PACC1: variants seen among roughly 807,000 people sequenced by gnomAD.
PACC1 encodes the protein proton-activated chloride channel.
Under a neutral mutation model 39.7 loss-of-function variants are expected in PACC1, and 34 were observed. The ratio of observed to expected loss-of-function variants is 0.86; its 90% confidence interval spans 0.65 to 1.14. The LOEUF (loss-of-function observed/expected upper bound fraction) is 1.14. Among genes scored for constraint, PACC1 ranks in the 50% most tolerant of loss-of-function variants. The probability of loss-of-function intolerance (pLI) is 0.00; values close to 1 mark genes in which losing one functional copy is unlikely to be tolerated. For missense variants in PACC1, 379 were observed against 436.4 expected (o/e 0.87, Z 1.17); for synonymous variants, 127 against 160.6 (o/e 0.79, Z 1.58).
intron 7 of PACC1, among the ~76,000 whole-genome samples, chr1:212,368,086 G>C (rs922544794): frequency 6.6e-6 from 1 of 152,146 alleles, no homozygotes; most frequent in Non-Finnish European, 1.5e-5. Context: ...AACCCCCAGG[G>C]CATTCTCTCT....
chr1:212,380,561 C>T (rs1428197450), intron 4 of PACC1, among the ~76,000 whole-genome samples: 1 of 152,046 alleles, frequency 6.6e-6, no homozygotes, highest in Non-Finnish European at 1.5e-5. Context: ...TGGCTTTAAG[C>T]TCTGTATATA....
At position 212,365,301 on chromosome 1, in the gene PACC1, ACT is replaced by A. The variant is rs1558160147; in HGVS notation, c.965_966del (p.Glu322ValfsTer13). The A allele has an allele frequency of 6.2e-7, 1 of 1,613,270 alleles. No individual in the cohort carries two copies. Among genetic ancestry groups the A allele is most frequent in the Non-Finnish European group, 8.5e-7 (1 of 1,179,842 alleles). ...ATCCATTTTATACTCAGTTTGGCAA[ACT>A]CTGCTGCTTTAAATAATGCCAAGAA... ...GAFLALFKAA[E>X]FAKLSIKWMI... On this transcript the variant is annotated frameshift_variant, in exon 8 of 8. Coordinates refer to ENST00000261455, the MANE Select transcript of PACC1 (RefSeq NM_018252.3). LOFTEE classifies it high-confidence loss of function.
Position 212,379,906 on chromosome 1 carries a change from C to T in PACC1, c.627G>A (p.Glu209=), listed in dbSNP as rs941838120. Reference sequence around the variant, plus strand: ...CTCTAAAAGCCCACCTTTGCAGGAACTCCTGGAAAGAAGAGAAGAGGAGGT... The same window carrying T: ...CTCTAAAAGCCCACCTTTGCAGGAATTCCTGGAAAGAAGAGAAGAGGAGGT... ...IDYLLFSSFQ[E]FLQSPNRVGF... is the part of the protein sequence containing the mutation. The change falls in exon 5 of 8, where the codon GAG becomes GAA. Residue 209 remains glutamate (E), a synonymous_variant. Transcript: ENST00000261455. 1 of 1,614,050 alleles carries T rather than the reference C, an allele frequency of 6.2e-7. No individual in the cohort carries two copies. Among genetic ancestry groups the T allele is most frequent in the African/African-American group, 1.3e-5 (1 of 74,924 alleles).
rs370826553 is a variant in PACC1, at chr1:212,377,671, C to A, written c.674G>T (p.Ser225Ile). Residue 225 changes from serine (S) to isoleucine (I), a missense_variant, in exon 6 of 8, where the codon AGT becomes ATT. Ser to Ile is a moderately radical substitution (Grantham distance 142). Coordinates refer to ENST00000261455, the MANE Select transcript of PACC1 (RefSeq NM_018252.3). ...NRVGFMQACESAYSSWKFSGG... is the reference protein window; with the variant it reads ...NRVGFMQACEIAYSSWKFSGG... ...AGAGAACTTCCAGCTGGAATAGGCACTCTCACAGGCCTGCATGAAGCCTAC... is the reference window on the plus strand; with the variant it reads ...AGAGAACTTCCAGCTGGAATAGGCAATCTCACAGGCCTGCATGAAGCCTAC... The A allele has an allele frequency of 6.8e-6, 11 of 1,614,194 alleles. No individual in the cohort carries two copies. In the Middle Eastern group the frequency reaches 6.6e-4, roughly 97 times the overall value.
chr1:212,389,565 C>T (rs1336678956), intron 2 of PACC1, among the ~76,000 whole-genome samples: 1 of 152,068 alleles, frequency 6.6e-6, no homozygotes, highest in Admixed American at 6.5e-5. Flanking sequence ...GTGACCTGTA[C>T]TCAAGAAAAA....
intron 2 of PACC1, among the ~76,000 whole-genome samples, chr1:212,400,958 C>A (rs1005002334): frequency 1.3e-5 from 2 of 152,156 alleles, no homozygotes; most frequent in Non-Finnish European, 2.9e-5. Flanking sequence ...TGGTTGTCTG[C>A]CATAATCCTG....
At position 212,364,168 on chromosome 1, in the gene PACC1, T is replaced by C. The variant is rs1660151634; in HGVS notation, c.*1047A>G. The C allele has an allele frequency of 6.6e-6, 1 of 152,172 alleles. No individual in the cohort carries two copies. Among genetic ancestry groups the C allele is most frequent in the Admixed American group, 6.5e-5 (1 of 15,278 alleles). The allele number at this position is 152,172 out of a possible 1,614,324, so 9.4% of individuals were successfully genotyped here. A position where few individuals can be genotyped will look rare whatever the true frequency, so the allele number is the denominator to read the frequency against. On this transcript the variant is annotated 3_prime_UTR_variant, in exon 8 of 8. Transcript: ENST00000261455. ...TTTTTTTAATGCATACTCATTTCTG[T>C]CAAAGGCTAGGCTAAAAGCTTTTTG...
In PACC1 at chr1:212,372,891, T is replaced by C. The variant is rs1482440430; in HGVS notation, c.891+2302A>G. Among the ~76,000 whole-genome samples the C allele has an allele frequency of 2.0e-5, 3 of 152,182 alleles. No homozygotes were observed. The East Asian group carries it at 5.8e-4, about 29-fold the overall frequency. Reference sequence around the variant, plus strand: ...ACACAAAAAATGGAAAAATATCCTATGGTTCATGGATTGGAAGAACTAGCA... The same window carrying C: ...ACACAAAAAATGGAAAAATATCCTACGGTTCATGGATTGGAAGAACTAGCA... On this transcript the variant is annotated intron_variant, in intron 7 of 7. Transcript: ENST00000261455.
chr1:212,379,297 G>A (rs1660789240), intron 5 of PACC1, among the ~76,000 whole-genome samples: 1 of 152,146 alleles, frequency 6.6e-6, no homozygotes, highest in Non-Finnish European at 1.5e-5. Flanking sequence ...TAAGAATACA[G>A]TCTATGATAT....
intron 2 of PACC1, chr1:212,387,624 CTTGA>C (rs959066571): frequency 6.5e-6 from 1 of 154,592 alleles, no homozygotes; most frequent in African/African-American, 2.4e-5. Context: ...ATTCCCTCTG[CTTGA>C]TTTTCTTTTC....
intron 1 of PACC1, among the ~76,000 whole-genome samples, chr1:212,412,672 C>T (rs1392046874): frequency 6.6e-6 from 1 of 152,202 alleles, no homozygotes; most frequent in Non-Finnish European, 1.5e-5. Context: ...TGGGCCTTGG[C>T]CCTCCAAGCG....
chr1:212,378,354 T>C (rs1360975248), intron 5 of PACC1, among the ~76,000 whole-genome samples: 1 of 152,118 alleles, frequency 6.6e-6, no homozygotes, highest in Non-Finnish European at 1.5e-5. Context: ...GATGGCCAGC[T>C]TGAAGCAGGG....
intron 2 of PACC1, among the ~76,000 whole-genome samples, chr1:212,405,450 G>A (rs1241679130): frequency 6.6e-6 from 1 of 152,322 alleles, no homozygotes. Context: ...GCATATCACA[G>A]GGAGAAAGGG....
chr1:212,395,096 C>G (rs1231056549), intron 2 of PACC1, among the ~76,000 whole-genome samples: 1 of 152,118 alleles, frequency 6.6e-6, no homozygotes, highest in Non-Finnish European at 1.5e-5. Flanking sequence ...CTTTAAAGTT[C>G]ATATGGAACC....
intron 7 of PACC1, 57 bp from the exon 8 acceptor site, chr1:212,365,433 T>TC: frequency 2.3e-6 from 3 of 1,297,302 alleles, no homozygotes; most frequent in Non-Finnish European, 2.0e-6. Flanking sequence ...TTGATTCTTT[T>TC]TTTTTTTTTT....
chr1:212,402,098 C>T (rs1328464939), intron 2 of PACC1, among the ~76,000 whole-genome samples: 1 of 152,212 alleles, frequency 6.6e-6, no homozygotes, highest in Non-Finnish European at 1.5e-5. Context: ...AATAAAGCTG[C>T]TATGAATATT....
At chr1:212,380,565 GTA>G (rs1660841057) in intron 4 of PACC1, among the ~76,000 whole-genome samples, 2 of 151,990 alleles carry the variant, frequency 1.3e-5, no homozygotes, top group African/African-American at 4.8e-5. Flanking sequence ...TTTAAGCTCT[GTA>G]TATAGTGTGA....
At position 212,410,500 on chromosome 1, in the gene PACC1, C is replaced by T. The variant is rs1662085771; in HGVS notation, c.58G>A (p.Val20Met). 3.1e-6 allele frequency: 5 copies of T among 1,614,074 alleles called. No individual in the cohort carries two copies. Among genetic ancestry groups the T allele is most frequent in the Admixed American group, 1.7e-5 (1 of 60,012 alleles). ...YQELSEELVQ[V>M]VENSELADEQ... Reference sequence around the variant, plus strand: ...TCTGCCAGCTCTGAGTTCTCAACCACCTGGACCAACTCCTCACTCAGCTAA... The same window carrying T: ...TCTGCCAGCTCTGAGTTCTCAACCATCTGGACCAACTCCTCACTCAGCTAA... The change falls in exon 2 of 8, where the codon GTG becomes ATG. Residue 20 changes from valine (V) to methionine (M), a missense_variant. Val to Met is a conservative substitution (Grantham distance 21). Transcript: ENST00000261455.
chr1:212,414,806 G>A lies in PACC1; in HGVS notation c.-49C>T, dbSNP rs753635040. 13 of 1,606,516 alleles carry A rather than the reference G, an allele frequency of 8.1e-6. No homozygotes were observed. Among genetic ancestry groups the A allele is most frequent in the Non-Finnish European group, 1.0e-5 (12 of 1,174,330 alleles). The stretch of plus-strand genomic sequence containing the variant: ...ACCTGAGACCGCCCCAGCCCGCGGC[G>A]CACGGACGCAGCACTGCGGCCGCTG... On this transcript the variant is annotated 5_prime_UTR_variant, in exon 1 of 8. Transcript: ENST00000261455.
Sources: gnomAD v4.1 joint callset for allele counts (sites outside exome capture counted in the v4.1 genomes callset) on GRCh38, gnomAD v4.1.1 for gene constraint, MANE v1.5 for transcripts, NCBI Gene and HGNC (gene_info 2026-07-23, HGNC 2026-07-21) for gene names.